LLGL1: variants seen among roughly 807,000 people sequenced by gnomAD.
LLGL1 encodes LLGL scribble cell polarity complex component 1, also known as lethal(2) giant larvae protein homolog 1.
In LLGL1, 58 loss-of-function variants were observed where a neutral mutation model predicts 110.6. The observed-to-expected ratio is 0.52, with a 90% CI of 0.42 to 0.65. The LOEUF is 0.65. Among genes scored for constraint, LLGL1 ranks in the 30% least tolerant of loss-of-function variants. LLGL1 has a pLI of 0.00. For synonymous variants in LLGL1, 674 were observed against 607.2 expected, an observed-to-expected ratio of 1.11 and a Z score of -1.62; for missense variants, 1,229 against 1,462.1, an observed-to-expected ratio of 0.84 and a Z score of 2.60.
At chr17:18,230,503 C>T (rs1227459727) in intron 2 of LLGL1, among the ~76,000 whole-genome samples, 1 of 151,718 alleles carries the variant, frequency 6.6e-6, no homozygotes, top group East Asian at 1.9e-4. Context: ...GTGAGCACAG[C>T]ACGGCCCCCA....
At chr17:18,225,837 G>A in intron 1 of LLGL1, 74 bp downstream of exon 1, 1 of 693,786 alleles carries the variant, frequency 1.4e-6, no homozygotes. Context: ...GCCCGGGGTC[G>A]GAGCCACGTC....
chr17:18,242,650 A>C (rs1427228312), intron 21 of LLGL1, 22 bp downstream of exon 21: 1 of 1,593,158 alleles, frequency 6.3e-7, no homozygotes, highest in East Asian at 2.3e-5. Flanking sequence ...GGGCAGGTCC[A>C]CAGGGGGGGC....
rs1241448295 is a variant in LLGL1 at position 18,241,661 on chromosome 17, C to T, written c.2713C>T (p.Arg905Trp). The T allele has an allele frequency of 4.3e-6, 7 of 1,613,730 alleles. No individual in the cohort carries two copies. Among genetic ancestry groups the T allele is most frequent in the South Asian group, 1.1e-5 (1 of 91,088 alleles). Residue 905 changes from arginine to tryptophan, a missense_variant, in exon 18 of 23, where the codon CGG (arginine) becomes TGG (tryptophan). Arg to Trp is a moderately radical substitution (Grantham distance 101, BLOSUM62 -3). Coordinates refer to ENST00000316843, the MANE Select transcript of LLGL1 (RefSeq NM_004140.4). ...LRPQVHYSCI[R>W]KEDISGIASC... ...GCCCCAGGTGCACTATTCCTGCATC[C>T]GGAAGGAGGACATCAGCGGCATCGC... is the stretch of plus-strand genomic sequence containing the variant.
rs1022678293 is a variant in LLGL1 at position 18,235,593 on chromosome 17, A to G, written c.1352+56A>G. 5 of 1,567,330 alleles carry G rather than the reference A, an allele frequency of 3.2e-6. No homozygotes were observed. The Admixed American group carries it at 5.1e-5, about 16-fold the overall frequency. ...GCCCCTTGCTGTTGGGGGAGAGCCC[A>G]TCCTGGGCCTGGTGGGTGCAGAGGT... On this transcript the variant is annotated intron_variant, in intron 11 of 22. Coordinates refer to ENST00000316843, the MANE Select transcript of LLGL1 (RefSeq NM_004140.4).
intron 17 of LLGL1, 196 bp from the exon 18 acceptor site, chr17:18,241,255 G>C (rs1256043240): frequency 4.6e-6 from 3 of 651,188 alleles, no homozygotes; most frequent in Non-Finnish European, 7.8e-6. Flanking sequence ...CAGATCGAGA[G>C]AGGGCCTGGG....
Position 18,240,853 on chromosome 17 carries a change from G to T in LLGL1, c.2482G>T (p.Ala828Ser). 2 of 1,541,752 alleles carry T rather than the reference G, an allele frequency of 1.3e-6. No individual in the cohort carries two copies. Among genetic ancestry groups the T allele is most frequent in the Non-Finnish European group, 1.8e-6 (2 of 1,137,372 alleles). The change falls in exon 17 of 23, where the codon GCA becomes TCA. Residue 828 changes from alanine (A) to serine (S), a missense_variant. Ala to Ser is a moderately conservative substitution (Grantham distance 99). Coordinates refer to ENST00000316843, the MANE Select transcript of LLGL1 (RefSeq NM_004140.4). The surrounding 1 kb of genome is among the most constrained non-coding windows in gnomAD (Gnocchi z 5.3). ...DMQGGHAVLI[A>S]SEEQFKVFTL... The stretch of plus-strand genomic sequence containing the variant: ...GCAGGGTGGTCACGCTGTGCTCATC[G>T]CATCTGAGGAGCAGTTCAAGGTGAG...
Position 18,242,551 on chromosome 17 carries a change from C to G in LLGL1, c.3039C>G (p.Ile1013Met), listed in dbSNP as rs2290510. ...PPEAALSPMS[I>M]DSATSADTTL... ...AGGCTGCACTCTCACCCATGTCCAT[C>G]GACTCAGCCACCAGTGCTGACACCA... The change falls in exon 21 of 23, where the codon ATC (isoleucine) becomes ATG (methionine). Residue 1013 changes from isoleucine to methionine, a missense_variant. Transcript: ENST00000316843. The G allele has an allele frequency of 1.2e-6, 2 of 1,613,982 alleles. No individual in the cohort carries two copies. Among genetic ancestry groups the G allele is most frequent in the Non-Finnish European group, 1.7e-6 (2 of 1,179,974 alleles).
At chr17:18,238,721 A>T in intron 16 of LLGL1, 112 bp downstream of exon 16, 1 of 1,140,352 alleles carries the variant, frequency 8.8e-7, no homozygotes, top group Non-Finnish European at 1.3e-6. Context: ...ACCTTCCAGG[A>T]GGTGGCTGGG....
chr17:18,234,263 C>T lies in LLGL1; in HGVS notation c.715-10C>T, dbSNP rs1432613686. On this transcript the variant is annotated splice_polypyrimidine_tract_variant and intron_variant, in intron 6 of 22. Transcript: ENST00000316843. The stretch of plus-strand genomic sequence containing the variant: ...TGCCTGCCTGCCTGCCTGCCCCTGC[C>T]TGCCCGCAGCAGCTGGAGAGCCTAT... The T allele has an allele frequency of 6.3e-7, 1 of 1,597,818 alleles. No individual in the cohort carries two copies. Among genetic ancestry groups the T allele is most frequent in the Non-Finnish European group, 8.5e-7 (1 of 1,172,592 alleles).
Position 18,235,179 on chromosome 17 carries a change from C to T in LLGL1, c.1151C>T (p.Ala384Val). 2 of 1,612,982 alleles carry T rather than the reference C, an allele frequency of 1.2e-6. No homozygotes were observed. Among genetic ancestry groups the T allele is most frequent in the Non-Finnish European group, 1.7e-6 (2 of 1,180,024 alleles). ...LQTPGWPAVPAPYLAPLHSSA... is the reference protein window; with the variant it reads ...LQTPGWPAVPVPYLAPLHSSA... ...ACTCCTGGCTGGCCAGCTGTGCCTG[C>T]CCCATACCTGGCCCCGCTGCACTCC... is the stretch of plus-strand genomic sequence containing the variant. The change falls in exon 10 of 23, where the codon GCC becomes GTC. Residue 384 changes from alanine (A) to valine (V), a missense_variant. Ala to Val is a moderately conservative substitution (Grantham distance 64, BLOSUM62 0). Transcript: ENST00000316843.
At chr17:18,241,313 G>A in intron 17 of LLGL1, 138 bp from the exon 18 acceptor site, 2 of 1,083,762 alleles carry the variant, frequency 1.8e-6, no homozygotes, top group Non-Finnish European at 2.6e-6. Flanking sequence ...GGGGCAGCCA[G>A]GTGTACAGGC....
intron 19 of LLGL1, 28 bp downstream of exon 19, chr17:18,242,027 G>C: frequency 6.3e-7 from 1 of 1,589,620 alleles, no homozygotes; most frequent in Non-Finnish European, 8.6e-7. Context: ...TCCTAGCCTG[G>C]GGGACCTGTG....
chr17:18,227,583 C>A (rs1319043760), intron 1 of LLGL1, among the ~76,000 whole-genome samples: 1 of 152,134 alleles, frequency 6.6e-6, no homozygotes, highest in East Asian at 1.9e-4. Flanking sequence ...GATGGGGTTT[C>A]ACCATGTTGC....
chr17:18,241,965 GACATTAACTGGC>G lies in LLGL1; in HGVS notation c.2849_2860del (p.Asp950_Pro954delinsAla). The G allele has an allele frequency of 1.9e-6, 3 of 1,614,096 alleles. No homozygotes were observed. Among genetic ancestry groups the G allele is most frequent in the Non-Finnish European group, 2.5e-6 (3 of 1,179,976 alleles). On this transcript the variant is annotated inframe_deletion, in exon 19 of 23. Coordinates refer to ENST00000316843, the MANE Select transcript of LLGL1 (RefSeq NM_004140.4). ...CATCACAGAGCCGCTCTGCTCTCTGGACATTAACTGGCCCCGCGATGCCACCCAGGCCAGGTG... is the reference window on the plus strand; with the variant it reads ...CATCACAGAGCCGCTCTGCTCTCTGGCCCGCGATGCCACCCAGGCCAGGTG...
Position 18,241,881 on chromosome 17 carries a change from C to T in LLGL1, c.2768-4C>T, listed in dbSNP as rs763553925. ...CTGCACTCCTCATTCTTCTGCCCAC[C>T]CAGGCTTTTACCTGATATCCCCATC... On this transcript the variant is annotated splice_polypyrimidine_tract_variant and splice_region_variant and intron_variant, in intron 18 of 22. Coordinates refer to ENST00000316843, the MANE Select transcript of LLGL1 (RefSeq NM_004140.4). The T allele has an allele frequency of 6.2e-7, 1 of 1,612,242 alleles. No individual in the cohort carries two copies. Among genetic ancestry groups the T allele is most frequent in the Non-Finnish European group, 8.5e-7 (1 of 1,178,254 alleles).
chr17:18,242,369 C>T (rs1194519173), intron 20 of LLGL1, 91 bp downstream of exon 20: 2 of 1,541,964 alleles, frequency 1.3e-6, no homozygotes, highest in African/African-American at 1.4e-5. Flanking sequence ...ATCGGGCAGG[C>T]TTCTGTAGGA....
chr17:18,241,946 A>G lies in LLGL1; in HGVS notation c.2829A>G (p.Thr943=), dbSNP rs779868367. ...TCTCCCTAAGTGCCCGGAACATCAC[A>G]GAGCCGCTCTGCTCTCTGGACATTA... ...ERFSLSARNI[T]EPLCSLDINW... Residue 943 remains threonine, a synonymous_variant, in exon 19 of 23, where the codon ACA becomes ACG. Coordinates refer to ENST00000316843, the MANE Select transcript of LLGL1 (RefSeq NM_004140.4). 3 of 1,614,018 alleles carry G rather than the reference A, an allele frequency of 1.9e-6. No homozygotes were observed. The highest frequency in any genetic ancestry group is 2.5e-6 in the Non-Finnish European group (3 of 1,180,002).
At chr17:18,226,105 T>G (rs2047434720) in intron 1 of LLGL1, among the ~76,000 whole-genome samples, 1 of 152,116 alleles carries the variant, frequency 6.6e-6, no homozygotes, top group African/African-American at 2.4e-5. Flanking sequence ...GCTGACCGGC[T>G]GTCTCGCCCC....
rs981010243 is a variant in LLGL1 at position 18,237,693 on chromosome 17, C to T, written c.1824C>T (p.Thr608=). ...CTGTAACCGCTGTCACACTCCACAC[C>T]GAGTGGAGCCTCGTGGCTTTTGGCA... ...PAAVTAVTLH[T]EWSLVAFGTS... The change falls in exon 14 of 23, where the codon ACC becomes ACT. Residue 608 remains threonine (T), a synonymous_variant. Transcript: ENST00000316843. 8.7e-6 allele frequency: 14 copies of T among 1,612,864 alleles called. No homozygotes were observed. The highest frequency in any genetic ancestry group is 2.7e-5 in the African/African-American group (2 of 74,924).
Sources: allele counts gnomAD v4.1 joint callset (sites outside exome capture counted in the v4.1 genomes callset), GRCh38; gene constraint gnomAD v4.1.1; non-coding constraint Gnocchi (gnomAD v3.1); transcripts MANE v1.5; gene names NCBI Gene and HGNC (gene_info 2026-07-23, HGNC 2026-07-21).